Variants in MBD5 observed in about 807,000 individuals in gnomAD.
MBD5 encodes methyl-CpG binding domain protein 5, also known as methyl-CpG-binding domain protein 5.
MBD5 carries 13 observed loss-of-function variants against 117.3 expected under a neutral mutation model. That is an observed-to-expected ratio of 0.11 (90% CI 0.07 to 0.18). The LOEUF (loss-of-function observed/expected upper bound fraction) is 0.18, where lower values mean the gene tolerates loss of function less well. MBD5 is among the 10% of genes least tolerant of loss of function. The probability of loss-of-function intolerance (pLI) is 1.00; values close to 1 mark genes in which losing one functional copy is unlikely to be tolerated. For missense variants in MBD5, 1,879 were observed against 2,093.8 expected (o/e 0.90, Z 2.00); for synonymous variants, 727 against 766.4 (o/e 0.95, Z 0.85).
rs139702793 is a variant in MBD5 at position 148,147,978 on chromosome 2, G to A, written c.-924-30722G>A. On this transcript the variant is annotated intron_variant, in intron 1 of 13. Transcript: ENST00000642680. ...ATAGATTCCCAGAAATATGTTAGTC[G>A]TTTTTGTAGACCCCTATGAACATTT... Among the ~76,000 whole-genome samples the A allele has an allele frequency of 1.8e-3, 270 of 152,166 alleles. 2 individuals carry two copies. Among genetic ancestry groups the A allele is most frequent in the African/African-American group, 6.0e-3 (251 of 41,518 alleles).
At chr2:148,171,889 T>C (rs1698272451) in intron 1 of MBD5, among the ~76,000 whole-genome samples, 1 of 152,196 alleles carries the variant, frequency 6.6e-6, no homozygotes, top group Admixed American at 6.5e-5. Context: ...AAGAATAAAT[T>C]TGCCTGGGCA....
At chr2:148,212,149 A>G (rs1237041236) in intron 2 of MBD5, among the ~76,000 whole-genome samples, 2 of 152,228 alleles carry the variant, frequency 1.3e-5, no homozygotes, top group African/African-American at 4.8e-5. Flanking sequence ...TTCTTAGTAT[A>G]TTCACAGTGT....
chr2:148,067,632 T>C (rs1558911747), intron 1 of MBD5, among the ~76,000 whole-genome samples: 1 of 152,222 alleles, frequency 6.6e-6, no homozygotes, highest in Non-Finnish European at 1.5e-5. Flanking sequence ...AGAAATAAGA[T>C]GTTGTTCAGA....
chr2:148,403,267 C>T (rs1419831049), intron 4 of MBD5, among the ~76,000 whole-genome samples: 2 of 151,970 alleles, frequency 1.3e-5, no homozygotes, highest in Admixed American at 6.6e-5. Context: ...GCAACCTCCA[C>T]CCCCCAGGTT....
intron 1 of MBD5, among the ~76,000 whole-genome samples, chr2:148,075,514 T>C (rs572292326): frequency 2.1e-4 from 32 of 152,342 alleles, no homozygotes; most frequent in African/African-American, 6.5e-4. Context: ...AGATAAGGAC[T>C]CAATTTTAAA....
intron 1 of MBD5, among the ~76,000 whole-genome samples, chr2:148,091,890 G>A (rs1374894904): frequency 1.3e-5 from 2 of 152,164 alleles, no homozygotes; most frequent in Non-Finnish European, 2.9e-5. Context: ...CCAAGAGTAT[G>A]AGAAAATATT....
intron 3 of MBD5, among the ~76,000 whole-genome samples, chr2:148,257,848 AC>A: frequency 6.6e-6 from 1 of 152,178 alleles, no homozygotes; most frequent in East Asian, 1.9e-4. Context: ...GTCTAAGTCC[AC>A]TACGTAGTGG....
chr2:148,231,429 G>A (rs142054609), intron 2 of MBD5, among the ~76,000 whole-genome samples: 1 of 152,274 alleles, frequency 6.6e-6, no homozygotes, highest in East Asian at 1.9e-4. Flanking sequence ...TGCTGCGGGA[G>A]AGGTGGCATC....
chr2:148,378,570 G>A (rs2105415462), intron 4 of MBD5, among the ~76,000 whole-genome samples: 1 of 152,128 alleles, frequency 6.6e-6, no homozygotes, highest in East Asian at 1.9e-4. Flanking sequence ...CTCATCAGCT[G>A]TGTTTGAGAG....
chr2:148,275,579 C>T (rs1030817161), intron 3 of MBD5, among the ~76,000 whole-genome samples: 49 of 152,312 alleles, frequency 3.2e-4, no homozygotes, highest in African/African-American at 1.2e-3. Flanking sequence ...TAAATACCTT[C>T]AAATGATTGG....
In MBD5 at chr2:148,136,951, G is replaced by A. The variant is rs142040670; in HGVS notation, c.-924-41749G>A. The stretch of plus-strand genomic sequence containing the variant: ...CTAATTTTGTATTTTTAGTAGAGAC[G>A]TGTTTTCTCCATGTTGGTCAGGCTG... On this transcript the variant is annotated intron_variant, in intron 1 of 13. Transcript: ENST00000642680. Among the ~76,000 whole-genome samples the A allele has an allele frequency of 5.7e-3, 870 of 152,106 alleles. 9 individuals carry two copies. The highest frequency in any genetic ancestry group is 0.019 in the African/African-American group (794 of 41,488).
intron 3 of MBD5, among the ~76,000 whole-genome samples, chr2:148,257,448 T>C (rs35042809): frequency 0.3 from 46,195 of 152,138 alleles, 7,533 homozygotes; most frequent in South Asian, 0.43. Flanking sequence ...GCTGGAGATA[T>C]GCCTGAATCT....
chr2:148,236,825 T>A (rs1480496516), intron 3 of MBD5, among the ~76,000 whole-genome samples: 1 of 152,176 alleles, frequency 6.6e-6, no homozygotes, highest in Non-Finnish European at 1.5e-5. Flanking sequence ...CCAGGTGGCA[T>A]CTTCTTCCAA....
At chr2:148,151,219 G>A (rs1032581479) in intron 1 of MBD5, among the ~76,000 whole-genome samples, 1 of 151,856 alleles carries the variant, frequency 6.6e-6, no homozygotes, top group African/African-American at 2.4e-5. Context: ...TTTGTCTTTG[G>A]CTCTGTTTAT....
chr2:148,157,553 G>A (rs944217677), intron 1 of MBD5, among the ~76,000 whole-genome samples: 4 of 152,098 alleles, frequency 2.6e-5, no homozygotes, highest in African/African-American at 4.8e-5. Context: ...AGCCTGCAAA[G>A]CATCCGCCAT....
chr2:148,488,065 G>A (rs536486154), intron 10 of MBD5, among the ~76,000 whole-genome samples: 1 of 152,328 alleles, frequency 6.6e-6, no homozygotes, highest in Admixed American at 6.5e-5. Flanking sequence ...GGATCCTTGA[G>A]GAAGGGGCTT....
At chr2:148,121,886 C>T (rs541752475) in intron 1 of MBD5, among the ~76,000 whole-genome samples, 1 of 152,130 alleles carries the variant, frequency 6.6e-6, no homozygotes, top group Non-Finnish European at 1.5e-5. Flanking sequence ...AGAAAGGAGA[C>T]AGATATTATA....
chr2:148,124,731 C>G (rs990340730), intron 1 of MBD5, among the ~76,000 whole-genome samples: 2 of 151,938 alleles, frequency 1.3e-5, no homozygotes, highest in Admixed American at 1.3e-4. Context: ...TGTATTTTCC[C>G]TATTTCAAAA....
At chr2:148,494,907 T>G (rs753672212) in intron 11 of MBD5, among the ~76,000 whole-genome samples, 69 of 151,970 alleles carry the variant, frequency 4.5e-4, no homozygotes, top group Non-Finnish European at 7.8e-4. Context: ...AGCTCGCAGT[T>G]AGCCGAGATC....
Sources: allele counts gnomAD v4.1 joint callset (sites outside exome capture counted in the v4.1 genomes callset), GRCh38; gene constraint gnomAD v4.1.1; transcripts MANE v1.5; gene names NCBI Gene and HGNC (gene_info 2026-07-23, HGNC 2026-07-21).